Variants in FAM83E observed in about 807,000 individuals in gnomAD.
FAM83E encodes protein FAM83E.
In FAM83E, 29 loss-of-function variants were observed where a neutral mutation model predicts 34.3. The ratio of observed to expected loss-of-function variants is 0.85; its 90% CI spans 0.63 to 1.15. FAM83E has a LOEUF of 1.15. Among genes scored for constraint, FAM83E ranks in the 50% most tolerant of loss-of-function variants. The probability of loss-of-function intolerance (pLI) is 0.00; values close to 1 mark genes in which losing one functional copy is unlikely to be tolerated. For synonymous variants in FAM83E, 312 were observed against 311.6 expected (o/e 1.00, Z -0.01); for missense variants, 697 against 685.0 (o/e 1.02, Z -0.20).
Position 48,613,491 on chromosome 19 carries a change from C to G in FAM83E, c.-119G>C. 7.0e-7 allele frequency: 1 copy of G among 1,429,898 alleles called. No individual in the cohort carries two copies. The highest frequency in any genetic ancestry group is 9.1e-7 in the Non-Finnish European group (1 of 1,096,150). The allele number at this position is 1,429,898 out of a possible 1,614,324, so 88.6% of individuals were successfully genotyped here. ...GATAGGCAGACCCTACGTGGCCATC[C>G]GAGGCCTCCGGCGGGGCCCTGCAGA... On this transcript the variant is annotated 5_prime_UTR_variant, in exon 3 of 7. Coordinates refer to ENST00000263266, the MANE Select transcript of FAM83E (RefSeq NM_017708.4).
intron 6 of FAM83E, among the ~76,000 whole-genome samples, chr19:48,601,970 C>T (rs1193005825): frequency 2.7e-5 from 4 of 150,792 alleles, no homozygotes; most frequent in African/African-American, 9.8e-5. Flanking sequence ...AGTGAGACCT[C>T]ATCTCTCCAA....
In FAM83E at chr19:48,603,900, C is replaced by A; in HGVS notation, c.770G>T (p.Ser257Ile). 1 of 1,598,960 alleles carries A rather than the reference C, an allele frequency of 6.3e-7. No individual in the cohort carries two copies. Among genetic ancestry groups the A allele is most frequent in the Non-Finnish European group, 8.5e-7 (1 of 1,173,020 alleles). ...CAGGCCTCGGTGCAGGCGTGCGTCACTCCACGTGAAGCTGGGGGTCGGGGA... is the reference window on the plus strand; with the variant it reads ...CAGGCCTCGGTGCAGGCGTGCGTCAATCCACGTGAAGCTGGGGGTCGGGGA... ...VISGSYSFTW[S>I]DARLHRGLVT... The change falls in exon 6 of 7, where the codon AGT (serine) becomes ATT (isoleucine). Residue 257 changes from serine to isoleucine, a missense_variant. Ser to Ile is a moderately radical substitution (Grantham distance 142, BLOSUM62 -2). Coordinates refer to ENST00000263266, the MANE Select transcript of FAM83E (RefSeq NM_017708.4).
rs1433431194 is a variant in FAM83E, at chr19:48,614,402, G to A, written c.-1030C>T. The A allele has an allele frequency of 1.8e-5, 18 of 985,588 alleles. No homozygotes were observed. Among genetic ancestry groups the A allele is most frequent in the Non-Finnish European group, 2.2e-5 (18 of 830,086 alleles). 61.1% of individuals were successfully genotyped at this position (985,588 alleles called of 1,614,324 possible). A position where few individuals can be genotyped will look rare whatever the true frequency, so the allele number is the denominator to read the frequency against. On this transcript the variant is annotated 5_prime_UTR_variant, in exon 3 of 7. Coordinates refer to ENST00000263266, the MANE Select transcript of FAM83E (RefSeq NM_017708.4). Reference sequence around the variant, plus strand: ...GGGAGCCCTACCCAAGCTGCCCCCAGCCTGGTTTCTGCCTAAATGCTATCT... The same window carrying A: ...GGGAGCCCTACCCAAGCTGCCCCCAACCTGGTTTCTGCCTAAATGCTATCT...
Position 48,610,422 on chromosome 19 carries a change from A to AG in FAM83E, c.633+257_633+258insC, listed in dbSNP as rs1406083258. On this transcript the variant is annotated intron_variant, in intron 4 of 6. Coordinates refer to ENST00000263266, the MANE Select transcript of FAM83E (RefSeq NM_017708.4). ...TCAAAAAAAAAAAAAAAAAAAAAAA[A>AG]AAGAAGTATCTGTCTCAGCTTCCTT... is the stretch of plus-strand genomic sequence containing the variant. 1.3e-3 allele frequency among the ~76,000 whole-genome samples: 193 copies of AG among 151,338 alleles called. 1 individual carries two copies. The highest frequency in any genetic ancestry group is 4.4e-3 in the African/African-American group (181 of 41,150).
chr19:48,610,668 C>T lies in FAM83E; in HGVS notation c.633+12G>A. ...AATGGGGACTCACAGGACCCCCTGG[C>T]CCGGCCCCTACCTCCGTGTTCCAGG... On this transcript the variant is annotated intron_variant, in intron 4 of 6. Transcript: ENST00000263266. 1 of 1,556,744 alleles carries T rather than the reference C, an allele frequency of 6.4e-7. No individual in the cohort carries two copies.
rs1013536881 is a variant in FAM83E at position 48,614,631 on chromosome 19, CAA to C, written c.-1255-6_-1255-5del. On this transcript the variant is annotated splice_polypyrimidine_tract_variant and splice_region_variant and intron_variant, in intron 2 of 6. Transcript: ENST00000263266. ...TCCTCCAGACCACAGCAGGGAGCTGCAAAGAGAAGAAAGGAGTCAAGGCAGGC... is the reference window on the plus strand; with the variant it reads ...TCCTCCAGACCACAGCAGGGAGCTGCAGAGAAGAAAGGAGTCAAGGCAGGC... 5.1e-6 allele frequency: 5 copies of C among 986,214 alleles called. No individual in the cohort carries two copies. Among genetic ancestry groups the C allele is most frequent in the East Asian group, 2.3e-4 (2 of 8,838 alleles). 61.1% of individuals were successfully genotyped at this position (986,214 alleles called of 1,614,324 possible). A position where few individuals can be genotyped will look rare whatever the true frequency, so the allele number is the denominator to read the frequency against.
At position 48,601,199 on chromosome 19, in the gene FAM83E, G is replaced by T. The variant is rs374545212; in HGVS notation, c.1347C>A (p.Phe449Leu). 6.2e-7 allele frequency: 1 copy of T among 1,612,284 alleles called. No homozygotes were observed. Among genetic ancestry groups the T allele is most frequent in the East Asian group, 2.2e-5 (1 of 44,810 alleles). Reference protein sequence around the residue: ...LRYLSPARRRFGGDATFKLQE... With the variant: ...LRYLSPARRRLGGDATFKLQE... Reference sequence around the variant, plus strand: ...GAAGTTTGAATGTAGCATCCCCACCGAACCGCCTTCGGGCTGGGGACAGAT... The same window carrying T: ...GAAGTTTGAATGTAGCATCCCCACCTAACCGCCTTCGGGCTGGGGACAGAT... The change falls in exon 7 of 7, where the codon TTC becomes TTA. Residue 449 changes from phenylalanine (F) to leucine (L), a missense_variant. Physicochemically the swap from Phe to Leu is conservative, Grantham distance 22 (BLOSUM62 0). Transcript: ENST00000263266.
intron 5 of FAM83E, chr19:48,607,667 G>T: frequency 2.9e-6 from 1 of 349,022 alleles, no homozygotes. Flanking sequence ...ATGAAATATG[G>T]TAAAAAATAT....
rs72014229 is a variant in FAM83E at position 48,605,019 on chromosome 19, C to CAAAAA, written c.759-1113_759-1109dup. Among the ~76,000 whole-genome samples the CAAAAA allele has an allele frequency of 4.2e-4, 32 of 75,694 alleles. 1 individual carries two copies. Among genetic ancestry groups the CAAAAA allele is most frequent in the African/African-American group, 1.4e-3 (29 of 20,022 alleles). 49.7% of individuals were successfully genotyped at this position (75,694 alleles called of 152,430 possible). A position where few individuals can be genotyped will look rare whatever the true frequency, so the allele number is the denominator to read the frequency against. ...TGGGCGACAGAGCGAGACTCTGACTCAAAAAAAAAAAAAAAAAAAAAAAAC... is the reference window on the plus strand; with the variant it reads ...TGGGCGACAGAGCGAGACTCTGACTCAAAAAAAAAAAAAAAAAAAAAAAAAAAAAC... On this transcript the variant is annotated intron_variant, in intron 5 of 6. Coordinates refer to ENST00000263266, the MANE Select transcript of FAM83E (RefSeq NM_017708.4).
chr19:48,607,502 C>A (rs1397657049), intron 5 of FAM83E: 2 of 1,124,288 alleles, frequency 1.8e-6, no homozygotes, highest in Non-Finnish European at 2.5e-6. Context: ...CACCAGGAGC[C>A]CGGTGCTAGG....
chr19:48,610,103 A>G lies in FAM83E; in HGVS notation c.634-103T>C, dbSNP rs570991890. On this transcript the variant is annotated intron_variant, in intron 4 of 6. Coordinates refer to ENST00000263266, the MANE Select transcript of FAM83E (RefSeq NM_017708.4). ...AACTGGGGGACCCATGACTCCATAG[A>G]AGTATCTGTCCAAGGCCAGGCGTGG... 194 of 1,458,240 alleles carry G rather than the reference A, an allele frequency of 1.3e-4. No homozygotes were observed. In the African/African-American group the frequency reaches 2.5e-3, roughly 19 times the overall value. The allele number at this position is 1,458,240 out of a possible 1,614,324, so 90.3% of individuals were successfully genotyped here.
intron 5 of FAM83E, chr19:48,607,095 G>C (rs1358134535): frequency 2.5e-6 from 4 of 1,613,066 alleles, no homozygotes; most frequent in Non-Finnish European, 3.4e-6. Flanking sequence ...GTACCTACAT[G>C]CACTGTGGCG....
chr19:48,603,393 C>G, intron 6 of FAM83E, 101 bp downstream of exon 6: 5 of 1,185,818 alleles, frequency 4.2e-6, no homozygotes, highest in Non-Finnish European at 3.3e-6. Flanking sequence ...AACGCCTGCT[C>G]TGGCTGGGAG....
intron 5 of FAM83E, among the ~76,000 whole-genome samples, chr19:48,606,058 C>T (rs924738139): frequency 2.6e-5 from 4 of 151,852 alleles, no homozygotes; most frequent in African/African-American, 9.7e-5. Context: ...CGTCTGTAAT[C>T]CCAGCACTTT....
At chr19:48,609,713 C>T (rs1270460037) in intron 5 of FAM83E, among the ~76,000 whole-genome samples, 163 bp downstream of exon 5, 4 of 152,144 alleles carry the variant, frequency 2.6e-5, no homozygotes, top group South Asian at 2.1e-4. Context: ...GCACCAGGTC[C>T]GGCCGCGGCA....
rs114596891 is a variant in FAM83E, at chr19:48,609,116, G to A, written c.758+760C>T. On this transcript the variant is annotated intron_variant, in intron 5 of 6. Coordinates refer to ENST00000263266, the MANE Select transcript of FAM83E (RefSeq NM_017708.4). Reference sequence around the variant, plus strand: ...GGAAACTGAGGCACAGAGAGGTGAAGTAAGTTGCCTGAAGTCACACAACGA... The same window carrying A: ...GGAAACTGAGGCACAGAGAGGTGAAATAAGTTGCCTGAAGTCACACAACGA... Among the ~76,000 whole-genome samples, 374 of 152,232 alleles carry A rather than the reference G, an allele frequency of 2.5e-3. 1 individual carries two copies. Among genetic ancestry groups the A allele is most frequent in the African/African-American group, 8.6e-3 (356 of 41,530 alleles).
chr19:48,614,961 C>A lies in FAM83E; in HGVS notation c.-1412G>T. The A allele has an allele frequency of 4.3e-6, 1 of 231,950 alleles. No homozygotes were observed. Among genetic ancestry groups the A allele is most frequent in the South Asian group, 1.3e-4 (1 of 7,748 alleles). 14.4% of individuals were successfully genotyped at this position (231,950 alleles called of 1,614,324 possible). A position where few individuals can be genotyped will look rare whatever the true frequency, so the allele number is the denominator to read the frequency against. ...CCTGTGCTCTCCCAGGGGGTGAACGCCCCTCTAGACTCAGGCTTCCCGGTC... is the reference window on the plus strand; with the variant it reads ...CCTGTGCTCTCCCAGGGGGTGAACGACCCTCTAGACTCAGGCTTCCCGGTC... On this transcript the variant is annotated 5_prime_UTR_variant, in exon 1 of 7. Coordinates refer to ENST00000263266, the MANE Select transcript of FAM83E (RefSeq NM_017708.4).
Position 48,614,632 on chromosome 19 carries a change from A to G in FAM83E, c.-1255-5T>C, listed in dbSNP as rs1974111577. 1.0e-6 allele frequency: 1 copy of G among 986,058 alleles called. No homozygotes were observed. Among genetic ancestry groups the G allele is most frequent in the Non-Finnish European group, 1.2e-6 (1 of 830,578 alleles). The allele number at this position is 986,058 out of a possible 1,614,324, so 61.1% of individuals were successfully genotyped here. A position where few individuals can be genotyped will look rare whatever the true frequency, so the allele number is the denominator to read the frequency against. ...CCTCCAGACCACAGCAGGGAGCTGC[A>G]AAGAGAAGAAAGGAGTCAAGGCAGG... On this transcript the variant is annotated splice_region_variant and splice_polypyrimidine_tract_variant and intron_variant, in intron 2 of 6. Transcript: ENST00000263266.
At position 48,611,166 on chromosome 19, in the gene FAM83E, T is replaced by G. The variant is rs370729991; in HGVS notation, c.466-319A>C. On this transcript the variant is annotated intron_variant, in intron 3 of 6. Transcript: ENST00000263266. ...TTGTGTTTTTGTTGTTGTTGTTGTT[T>G]TTTGTTGTTTTTTTTTTTTTGAGAC... Among the ~76,000 whole-genome samples the G allele has an allele frequency of 6.6e-4, 79 of 120,132 alleles. 1 individual carries two copies. Among genetic ancestry groups the G allele is most frequent in the East Asian group, 6.3e-3 (22 of 3,486 alleles). 78.8% of individuals were successfully genotyped at this position (120,132 alleles called of 152,430 possible). A position where few individuals can be genotyped will look rare whatever the true frequency, so the allele number is the denominator to read the frequency against.
Sources: gnomAD v4.1 joint callset for allele counts (sites outside exome capture counted in the v4.1 genomes callset) on GRCh38, gnomAD v4.1.1 for gene constraint, MANE v1.5 for transcripts, NCBI Gene and HGNC (gene_info 2026-07-23, HGNC 2026-07-21) for gene names.